Variants in C13orf42 observed in about 807,000 individuals in gnomAD.
The protein encoded by C13orf42 is chromosome 13 open reading frame 42.
intron 1 of C13orf42, among the ~76,000 whole-genome samples, chr13:51,153,621 G>GTTTTTTGTTTTTTTTTT (rs1953799413): frequency 2.4e-5 from 2 of 82,034 alleles, no homozygotes. Flanking sequence ...CTTGCTTTCT[G>GTTTTTTGTTTTTTTTTT]TTTTTTTTCT....
chr13:51,105,118 T>C (rs962513209), intron 1 of C13orf42, among the ~76,000 whole-genome samples: 1 of 148,332 alleles, frequency 6.7e-6, no homozygotes, highest in African/African-American at 2.6e-5. Flanking sequence ...ACAAAGGCCA[T>C]TGGGAAGGGT....
chr13:51,160,972 A>C (rs991864424), intron 1 of C13orf42, among the ~76,000 whole-genome samples: 8 of 150,534 alleles, frequency 5.3e-5, no homozygotes, highest in Non-Finnish European at 8.9e-5. Flanking sequence ...AGAAAAAAAA[A>C]AAAAACAAAA....
chr13:51,111,507 C>T (rs1264286272), upstream of C13orf42, among the ~76,000 whole-genome samples: 1 of 152,182 alleles, frequency 6.6e-6, no homozygotes, highest in African/African-American at 2.4e-5. Flanking sequence ...AGTGCAAATA[C>T]CTTCAGTGCT....
intron 1 of C13orf42, among the ~76,000 whole-genome samples, chr13:51,090,122 TGAAGGCAGGTGACA>T (rs1953167129): frequency 1.3e-5 from 2 of 152,106 alleles, no homozygotes; most frequent in African/African-American, 4.8e-5. Context: ...GCATCCTTCT[TGAAGGCAGGTGACA>T]GAAGGCTCAC....
At chr13:51,110,233 CAAT>C (rs1466467597) in intron 1 of C13orf42, among the ~76,000 whole-genome samples, 1 of 152,198 alleles carries the variant, frequency 6.6e-6, no homozygotes, top group Non-Finnish European at 1.5e-5. Flanking sequence ...GATGTGACAA[CAAT>C]AATTTTTTAA....
intron 1 of C13orf42, among the ~76,000 whole-genome samples, chr13:51,152,076 C>T (rs749788631): frequency 5.3e-5 from 8 of 152,130 alleles, no homozygotes; most frequent in Admixed American, 2.6e-4. Context: ...GAATCACTGC[C>T]CCAAATAACA....
chr13:51,119,215 T>C (rs1275240193), intron 1 of C13orf42, among the ~76,000 whole-genome samples: 2 of 151,978 alleles, frequency 1.3e-5, no homozygotes, highest in Non-Finnish European at 2.9e-5. Context: ...GCTGCAAGCA[T>C]GGAGTGAGCT....
At chr13:51,105,952 G>C (rs1172972191) in intron 1 of C13orf42, among the ~76,000 whole-genome samples, 2 of 152,226 alleles carry the variant, frequency 1.3e-5, no homozygotes. Context: ...TGAGCTGGGA[G>C]ATATGAAAGT....
chr13:51,120,331 G>C (rs957056543), intron 1 of C13orf42, among the ~76,000 whole-genome samples: 1 of 152,146 alleles, frequency 6.6e-6, no homozygotes, highest in African/African-American at 2.4e-5. Flanking sequence ...TATCTATTGT[G>C]TGATAGAGCC....
rs534033974 is a variant in C13orf42 at position 51,110,882 on chromosome 13, G to C, written c.328C>G (p.Arg110Gly). The C allele has an allele frequency of 7.3e-5, 29 of 398,652 alleles. No homozygotes were observed. Among genetic ancestry groups the C allele is most frequent in the African/African-American group, 5.1e-4 (25 of 48,772 alleles). The allele number at this position is 398,652 out of a possible 1,614,324, so 24.7% of individuals were successfully genotyped here. Reference sequence around the variant, plus strand: ...GAGGTTGAGGAAATCCCCTGGGTGCGGTGGGGCTTCAGATCACTGAAGCTG... The same window carrying C: ...GAGGTTGAGGAAATCCCCTGGGTGCCGTGGGGCTTCAGATCACTGAAGCTG... ...LSSFSDLKPH[R>G]TQGISSTSSK... is the part of the protein sequence containing the mutation. The change falls in exon 1 of 4, where the codon CGC becomes GGC. Residue 110 changes from arginine to glycine, a missense_variant. Physicochemically the swap from Arg to Gly is moderately radical, Grantham distance 125. Coordinates refer to ENST00000563710, the MANE Select transcript of C13orf42 (RefSeq NM_001351589.3).
rs1052358041 is a variant in C13orf42 at position 51,085,315 on chromosome 13, T to G, written c.803+4A>C. On this transcript the variant is annotated splice_donor_region_variant and intron_variant, in intron 3 of 3. Transcript: ENST00000563710. ...TGGTCATGCTATTTAGCCCAAGCAC[T>G]TACTCTTTTTTGCAGGCTTTGGGCT... The G allele has an allele frequency of 2.5e-6, 1 of 398,428 alleles. No homozygotes were observed. Among genetic ancestry groups the G allele is most frequent in the Non-Finnish European group, 4.4e-6 (1 of 226,034 alleles). 24.7% of individuals were successfully genotyped at this position (398,428 alleles called of 1,614,324 possible).
chr13:51,093,246 C>T (rs1398477404), intron 1 of C13orf42, among the ~76,000 whole-genome samples: 1 of 152,162 alleles, frequency 6.6e-6, no homozygotes, highest in Admixed American at 6.6e-5. Context: ...CATAGACTTT[C>T]TCACATTCTG....
chr13:51,147,497 AG>A (rs1185047692), intron 1 of C13orf42, among the ~76,000 whole-genome samples: 1 of 152,140 alleles, frequency 6.6e-6, no homozygotes, highest in African/African-American at 2.4e-5. Context: ...TGGGAGGCCG[AG>A]GTGGGTGGAT....
chr13:51,117,420 A>G (rs551685091), intron 1 of C13orf42, among the ~76,000 whole-genome samples: 3 of 152,342 alleles, frequency 2.0e-5, no homozygotes, highest in East Asian at 1.9e-4. Flanking sequence ...TCAGGGACTG[A>G]GCCTTATCTT....
intron 1 of C13orf42, among the ~76,000 whole-genome samples, chr13:51,107,418 T>C (rs943411511): frequency 2.0e-5 from 3 of 152,240 alleles, no homozygotes; most frequent in South Asian, 2.1e-4. Flanking sequence ...GTTTGTGTGT[T>C]TGGGTAAACT....
chr13:51,144,080 T>C (rs1048627706), intron 1 of C13orf42, among the ~76,000 whole-genome samples: 10 of 152,108 alleles, frequency 6.6e-5, no homozygotes, highest in African/African-American at 1.7e-4. Flanking sequence ...CAATGGACAA[T>C]TGTTGTCTTG....
At chr13:51,087,575 C>T (rs1029875287) in intron 2 of C13orf42, among the ~76,000 whole-genome samples, 4 of 152,166 alleles carry the variant, frequency 2.6e-5, no homozygotes, top group Non-Finnish European at 5.9e-5. Flanking sequence ...ATCGATTCTC[C>T]TTCCTTCATC....
chr13:51,150,211 T>C (rs950126663), intron 1 of C13orf42, among the ~76,000 whole-genome samples: 4 of 152,230 alleles, frequency 2.6e-5, no homozygotes, highest in Admixed American at 2.0e-4. Context: ...ACCCCCACAT[T>C]TCTCCAGAAT....
At chr13:51,100,875 G>A (rs181042834) in intron 1 of C13orf42, among the ~76,000 whole-genome samples, 2 of 152,214 alleles carry the variant, frequency 1.3e-5, no homozygotes, top group Admixed American at 6.5e-5. Flanking sequence ...TATTTATAAC[G>A]TTTAGCAATT....
Sources: allele counts gnomAD v4.1 joint callset (sites outside exome capture counted in the v4.1 genomes callset), GRCh38; gene constraint gnomAD v4.1.1; transcripts MANE v1.5; gene names NCBI Gene and HGNC (gene_info 2026-07-23, HGNC 2026-07-21).